MSRB3: variants seen among roughly 807,000 people sequenced by gnomAD.
The protein encoded by MSRB3 is methionine-R-sulfoxide reductase B3.
A neutral mutation model predicts 21.0 loss-of-function variants in MSRB3; 13 were observed. The ratio of observed to expected loss-of-function variants is 0.62; its 90% CI spans 0.40 to 0.98. MSRB3 has a LOEUF of 0.98. Among genes scored for constraint, MSRB3 ranks in the 50% least tolerant of loss-of-function variants. MSRB3 has a pLI of 0.00. For synonymous variants in MSRB3, 87 were observed against 88.6 expected (o/e 0.98, Z 0.10); for missense variants, 199 against 230.3 (o/e 0.86, Z 0.88).
intron 4 of MSRB3, among the ~76,000 whole-genome samples, chr12:65,363,048 A>G (rs544925312): frequency 1.9e-4 from 29 of 152,290 alleles, no homozygotes; most frequent in Middle Eastern, 6.8e-3. Context: ...GAGTTGCCAT[A>G]TATAATGCGC....
chr12:65,336,908 A>G (rs966459962), intron 4 of MSRB3, among the ~76,000 whole-genome samples: 3 of 152,234 alleles, frequency 2.0e-5, no homozygotes, highest in Non-Finnish European at 4.4e-5. Context: ...ACAAAGATAC[A>G]GAAGCCATCC....
rs1194978048 is a variant in MSRB3, at chr12:65,466,178, A to T, written c.*2856A>T. ...AAGGAAAGCCAGTTTTTCTTCTACCACATTTTCCAGGATCGACTTTAAGAA... is the reference window on the plus strand; with the variant it reads ...AAGGAAAGCCAGTTTTTCTTCTACCTCATTTTCCAGGATCGACTTTAAGAA... On this transcript the variant is annotated 3_prime_UTR_variant, in exon 7 of 7. Transcript: ENST00000308259. 1 of 152,148 alleles carries T rather than the reference A, an allele frequency of 6.6e-6. No homozygotes were observed. The highest frequency in any genetic ancestry group is 6.5e-5 in the Admixed American group (1 of 15,272). 9.4% of individuals were successfully genotyped at this position (152,148 alleles called of 1,614,324 possible).
intron 5 of MSRB3, among the ~76,000 whole-genome samples, chr12:65,389,188 A>G (rs185720039): frequency 8.5e-5 from 13 of 152,184 alleles, no homozygotes; most frequent in Admixed American, 8.5e-4. Context: ...TCCTGCCCTT[A>G]TATTACCCCA....
At chr12:65,279,654 A>G (rs1187960691) in intron 1 of MSRB3, 1 of 152,272 alleles carries the variant, frequency 6.6e-6, no homozygotes, top group Non-Finnish European at 1.5e-5. Context: ...GCTAATAGCT[A>G]TCGGAAGTGG....
intron 2 of MSRB3, among the ~76,000 whole-genome samples, chr12:65,319,982 C>T (rs1188848205): frequency 6.6e-6 from 1 of 152,150 alleles, no homozygotes; most frequent in Non-Finnish European, 1.5e-5. Flanking sequence ...CCATTTTTAT[C>T]ATTCAACTAT....
intron 4 of MSRB3, among the ~76,000 whole-genome samples, chr12:65,336,825 C>T (rs1165589256): frequency 6.6e-6 from 1 of 152,268 alleles, no homozygotes; most frequent in South Asian, 2.1e-4. Context: ...AAGAATTGCA[C>T]AAATTTTAAT....
intron 5 of MSRB3, among the ~76,000 whole-genome samples, chr12:65,375,678 A>G (rs538864752): frequency 6.5e-4 from 99 of 152,050 alleles, no homozygotes; most frequent in Non-Finnish European, 1.1e-3. Context: ...GCTTCAAGCA[A>G]TCCTCCTGCC....
chr12:65,381,321 G>A (rs1016959229), intron 5 of MSRB3, among the ~76,000 whole-genome samples: 3 of 152,044 alleles, frequency 2.0e-5, no homozygotes, highest in African/African-American at 7.2e-5. Flanking sequence ...GGAATGAATC[G>A]ATGATCATGG....
At chr12:65,288,025 C>T (rs1226036317) in intron 1 of MSRB3, among the ~76,000 whole-genome samples, 1 of 152,050 alleles carries the variant, frequency 6.6e-6, no homozygotes, top group Non-Finnish European at 1.5e-5. Flanking sequence ...ATTCTGTAGG[C>T]TGGGCATGGT....
intron 5 of MSRB3, among the ~76,000 whole-genome samples, chr12:65,384,029 T>C (rs1217964127): frequency 6.6e-6 from 1 of 152,218 alleles, no homozygotes; most frequent in Admixed American, 6.5e-5. Flanking sequence ...CATGGCTGTA[T>C]ATTTTGAGGG....
At chr12:65,319,870 C>T (rs774914754) in intron 2 of MSRB3, among the ~76,000 whole-genome samples, 7 of 152,110 alleles carry the variant, frequency 4.6e-5, no homozygotes, top group Non-Finnish European at 8.8e-5. Flanking sequence ...GTGCTGATAG[C>T]GGTGAACTTA....
At chr12:65,401,056 T>C (rs1880097088) in intron 5 of MSRB3, among the ~76,000 whole-genome samples, 1 of 152,146 alleles carries the variant, frequency 6.6e-6, no homozygotes, top group Admixed American at 6.6e-5. Flanking sequence ...AGAATAAGTG[T>C]GATGAGGTGC....
intron 6 of MSRB3, among the ~76,000 whole-genome samples, chr12:65,461,762 A>C (rs961159609): frequency 6.6e-6 from 1 of 152,140 alleles, no homozygotes; most frequent in Non-Finnish European, 1.5e-5. Context: ...TTATACACCA[A>C]ATCAGCACAG....
chr12:65,404,831 A>C (rs1427745538), intron 5 of MSRB3, among the ~76,000 whole-genome samples: 1 of 152,168 alleles, frequency 6.6e-6, no homozygotes, highest in Non-Finnish European at 1.5e-5. Context: ...TATTGTCTTC[A>C]TGTTGCACAA....
chr12:65,419,615 G>A (rs1310222148), intron 5 of MSRB3: 21 of 711,490 alleles, frequency 3.0e-5, no homozygotes, highest in Non-Finnish European at 4.4e-5. Flanking sequence ...TGAGCCCTCA[G>A]GTCCTCGATG....
Position 65,463,522 on chromosome 12 carries a change from C to A in MSRB3, c.*200C>A. The stretch of plus-strand genomic sequence containing the variant: ...TGACTAGATCAAGAACTGTTTATAG[C>A]TTTAGCAAATGGAGACAGCTTTGTG... On this transcript the variant is annotated 3_prime_UTR_variant, in exon 7 of 7. Coordinates refer to ENST00000308259, the MANE Select transcript of MSRB3 (RefSeq NM_001031679.3). The A allele has an allele frequency of 1.6e-6, 1 of 611,594 alleles. No individual in the cohort carries two copies. The highest frequency in any genetic ancestry group is 2.8e-6 in the Non-Finnish European group (1 of 361,000). 37.9% of individuals were successfully genotyped at this position (611,594 alleles called of 1,614,324 possible).
At chr12:65,442,943 C>A (rs1882450508) in intron 5 of MSRB3, among the ~76,000 whole-genome samples, 1 of 152,062 alleles carries the variant, frequency 6.6e-6, no homozygotes, top group Non-Finnish European at 1.5e-5. Context: ...TAAAATCTCC[C>A]TCTCCAGGTT....
At chr12:65,286,592 C>T (rs2136387788) in intron 1 of MSRB3, 1 of 151,972 alleles carries the variant, frequency 6.6e-6, no homozygotes, top group Middle Eastern at 3.4e-3. Context: ...CTATAAATTA[C>T]ATAACAAATC....
intron 1 of MSRB3, among the ~76,000 whole-genome samples, chr12:65,304,805 A>T (rs993580262): frequency 1.3e-5 from 2 of 152,232 alleles, no homozygotes; most frequent in African/African-American, 4.8e-5. Context: ...TGCCGAATTG[A>T]AACTTCAATT....
Sources: allele counts gnomAD v4.1 joint callset (sites outside exome capture counted in the v4.1 genomes callset), GRCh38; gene constraint gnomAD v4.1.1; transcripts MANE v1.5; gene names NCBI Gene and HGNC (gene_info 2026-07-23, HGNC 2026-07-21).